The following CORO2B variants were observed in gnomAD, a reference collection of about 807,000 sequenced individuals.
The protein encoded by CORO2B is coronin-2B.
In CORO2B, 26 loss-of-function variants were observed where a neutral mutation model predicts 58.8. That is an observed-to-expected ratio of 0.44 (90% CI 0.32 to 0.61). CORO2B has a LOEUF of 0.61. Among genes scored for constraint, CORO2B ranks in the 20% least tolerant of loss-of-function variants. The pLI, the probability that CORO2B is intolerant of heterozygous loss-of-function variation, is 0.04. For missense variants in CORO2B, 460 were observed against 645.1 expected, an observed-to-expected ratio of 0.71 and a Z score of 3.11; for synonymous variants, 242 against 253.8, an observed-to-expected ratio of 0.95 and a Z score of 0.44.
the CORO2B span, among the ~76,000 whole-genome samples, chr15:68,529,952 T>C: frequency 6.6e-6 from 1 of 152,346 alleles, no homozygotes; most frequent in African/African-American, 2.4e-5. Flanking sequence ...CATTCTAGGA[T>C]TTTTGATATT....
the CORO2B span, among the ~76,000 whole-genome samples, chr15:68,565,198 G>A: frequency 1.3e-5 from 2 of 152,062 alleles, no homozygotes; most frequent in African/African-American, 2.4e-5. Context: ...AAGCTGTAAT[G>A]TTTTTAATTG....
At chr15:68,600,817 T>C (rs1283433053) in intron 1 of CORO2B, among the ~76,000 whole-genome samples, 1 of 152,152 alleles carries the variant, frequency 6.6e-6, no homozygotes, top group East Asian at 1.9e-4. Flanking sequence ...AGCCCCTCAG[T>C]CTGGTCCCCC....
intron 1 of CORO2B, 106 bp downstream of exon 1, chr15:68,579,383 C>T (rs1899362250): frequency 1.8e-6 from 2 of 1,096,662 alleles, no homozygotes; most frequent in East Asian, 3.9e-5. Flanking sequence ...GGCGCCGGTG[C>T]CGGGAAGGTG....
the CORO2B span, among the ~76,000 whole-genome samples, chr15:68,537,814 C>T: frequency 6.6e-6 from 1 of 152,228 alleles, no homozygotes; most frequent in African/African-American, 2.4e-5. Context: ...GCCACAACAG[C>T]AGACTTGAGT....
At chr15:68,659,510 C>T (rs1044277107) in intron 2 of CORO2B, among the ~76,000 whole-genome samples, 15 of 152,044 alleles carry the variant, frequency 9.9e-5, no homozygotes, top group Non-Finnish European at 1.9e-4. Context: ...GCCAAGAGTT[C>T]GAGACCAGCC....
rs763765611 is a variant in CORO2B, at chr15:68,725,904, A to G, written c.1373A>G (p.Gln458Arg). 1.2e-6 allele frequency: 2 copies of G among 1,614,104 alleles called. No individual in the cohort carries two copies. The highest frequency in any genetic ancestry group is 1.3e-5 in the African/African-American group (1 of 75,052). ...EIRRLKEELA[Q>R]KDIRIRQLQL... The stretch of plus-strand genomic sequence containing the variant: ...CGACGGTTGAAAGAGGAGCTGGCCC[A>G]GAAGGACATCCGCATTCGGCAGCTC... Residue 458 changes from glutamine (Q) to arginine (R), a missense_variant, in exon 12 of 12, where the codon CAG (glutamine) becomes CGG (arginine). By Grantham distance (43) the Gln-to-Arg change is conservative (BLOSUM62 1). This residue lies in a region of CORO2B where 108 missense variants were observed against 102.1 expected (regional missense o/e 1.06). Coordinates refer to ENST00000261861, the MANE Select transcript of CORO2B (RefSeq NM_006091.5).
At chr15:68,559,670 T>C in the CORO2B span, 1 of 980,372 alleles carries the variant, frequency 1.0e-6, no homozygotes, top group Non-Finnish European at 1.2e-6. The surrounding 1 kb of genome is among the most constrained non-coding windows in gnomAD (Gnocchi z 4.3). Context: ...GGGCCTCCGT[T>C]TCCGGTTTTC....
At chr15:68,640,525 A>C (rs1343886895) in intron 1 of CORO2B, among the ~76,000 whole-genome samples, 2 of 140,304 alleles carry the variant, frequency 1.4e-5, no homozygotes, top group Non-Finnish European at 3.1e-5. Flanking sequence ...AAAAAAAAAA[A>C]GGTGATAGGA....
intron 3 of CORO2B, among the ~76,000 whole-genome samples, chr15:68,702,350 C>A (rs934502353): frequency 5.3e-5 from 8 of 152,072 alleles, no homozygotes; most frequent in Non-Finnish European, 1.2e-4. Context: ...CCACAACGAC[C>A]ACTTCATGCA....
chr15:68,707,804 T>C (rs1407228036), intron 3 of CORO2B, among the ~76,000 whole-genome samples: 1 of 152,198 alleles, frequency 6.6e-6, no homozygotes, highest in African/African-American at 2.4e-5. Flanking sequence ...CTGAGTTATG[T>C]ACTCGCCAGC....
At chr15:68,571,217 CTGTTCTG>C in the CORO2B span, among the ~76,000 whole-genome samples, 13 of 152,172 alleles carry the variant, frequency 8.5e-5, no homozygotes, top group Non-Finnish European at 1.6e-4. Context: ...CCCCAGCCAC[CTGTTCTG>C]TACTCAGTAC....
At chr15:68,712,496 A>T (rs1892943120) in intron 5 of CORO2B, among the ~76,000 whole-genome samples, 1 of 152,182 alleles carries the variant, frequency 6.6e-6, no homozygotes. Flanking sequence ...GGATTTGGGG[A>T]TGTGGGAAGC....
intron 2 of CORO2B, among the ~76,000 whole-genome samples, chr15:68,682,054 C>T (rs954576313): frequency 5.9e-5 from 9 of 152,112 alleles, no homozygotes; most frequent in African/African-American, 9.7e-5. Context: ...TCCCATGCCC[C>T]GTCCCTGGAT....
intron 1 of CORO2B, among the ~76,000 whole-genome samples, chr15:68,633,716 C>T (rs1900933261): frequency 6.8e-6 from 1 of 147,460 alleles, no homozygotes; most frequent in African/African-American, 2.7e-5. Context: ...TCCTTTCTCA[C>T]ATTTGGGGCA....
chr15:68,558,263 G>A, the CORO2B span, among the ~76,000 whole-genome samples: 7 of 152,290 alleles, frequency 4.6e-5, no homozygotes, highest in East Asian at 5.8e-4. Context: ...CAGCTTCTCC[G>A]GAAGCTGTCT....
At chr15:68,575,279 C>T (rs563991684), upstream of CORO2B, among the ~76,000 whole-genome samples, 1 of 152,078 alleles carries the variant, frequency 6.6e-6, no homozygotes, top group Non-Finnish European at 1.5e-5. Flanking sequence ...CCACGGGTCT[C>T]TGGGGAACTG....
upstream of CORO2B, among the ~76,000 whole-genome samples, chr15:68,576,880 A>T (rs975844802): frequency 6.6e-6 from 1 of 152,202 alleles, no homozygotes; most frequent in Non-Finnish European, 1.5e-5. Context: ...ACACAGTGAG[A>T]GAAGGCATGC....
At chr15:68,561,323 G>A in the CORO2B span, among the ~76,000 whole-genome samples, 11 of 152,066 alleles carry the variant, frequency 7.2e-5, no homozygotes, top group Non-Finnish European at 1.2e-4. Context: ...ATTTTGGAGC[G>A]TTTGGGCAGT....
the CORO2B span, among the ~76,000 whole-genome samples, chr15:68,569,418 C>T: frequency 6.6e-4 from 100 of 152,306 alleles, 1 homozygote; most frequent in African/African-American, 2.2e-3. Context: ...GCTTCTCTCA[C>T]TTAGTGATAT....
Sources: allele counts gnomAD v4.1 joint callset (sites outside exome capture counted in the v4.1 genomes callset), GRCh38; gene constraint gnomAD v4.1.1; regional missense constraint gnomAD v4.1.1; non-coding constraint Gnocchi (gnomAD v3.1); transcripts MANE v1.5; gene names NCBI Gene and HGNC (gene_info 2026-07-23, HGNC 2026-07-21).